Variants in PID1 observed in about 807,000 individuals in gnomAD.
PID1 encodes phosphotyrosine interaction domain containing 1, also known as PTB-containing, cubilin and LRP1-interacting protein.
In PID1, 10 loss-of-function variants were observed where a neutral mutation model predicts 19.1. The observed-to-expected ratio is 0.52, with a 90% confidence interval of 0.32 to 0.89. The LOEUF (loss-of-function observed/expected upper bound fraction) is 0.89. Among genes scored for constraint, PID1 ranks in the 40% least tolerant of loss-of-function variants. The pLI, the probability that PID1 is intolerant of heterozygous loss-of-function variation, is 0.03. For missense variants in PID1, 248 were observed against 285.3 expected (o/e 0.87, Z 0.94); for synonymous variants, 130 against 116.0 (o/e 1.12, Z -0.78).
In PID1 at chr2:229,038,018, G is replaced by C. The variant is rs116243211; in HGVS notation, c.178-11910C>G. On this transcript the variant is annotated intron_variant, in intron 2 of 2. Transcript: ENST00000392055. ...CTTCGTGCACAACTCATTAGGAATG[G>C]ATCACAGAAGGCACTAAACATTTAG... Among the ~76,000 whole-genome samples the C allele has an allele frequency of 5.4e-3, 817 of 152,190 alleles. 11 individuals are homozygous for C. The highest frequency in any genetic ancestry group is 4.4e-3 in the Non-Finnish European group (300 of 68,010).
At chr2:229,029,348 A>G (rs1383860676) in intron 2 of PID1, among the ~76,000 whole-genome samples, 2 of 151,124 alleles carry the variant, frequency 1.3e-5, no homozygotes, top group Non-Finnish European at 2.9e-5. Context: ...AAAACATGCT[A>G]CCATCCTTAG....
chr2:229,186,016 G>A (rs751912002), intron 1 of PID1, among the ~76,000 whole-genome samples: 7 of 152,162 alleles, frequency 4.6e-5, no homozygotes, highest in Non-Finnish European at 1.0e-4. Flanking sequence ...TAGGGTACAG[G>A]CATTTGATAC....
In PID1 at chr2:229,271,174, G is replaced by T; in HGVS notation, c.-131C>A. 2 of 1,020,538 alleles carry T rather than the reference G, an allele frequency of 2.0e-6. No individual in the cohort carries two copies. Among genetic ancestry groups the T allele is most frequent in the Non-Finnish European group, 2.8e-6 (2 of 705,192 alleles). 63.2% of individuals were successfully genotyped at this position (1,020,538 alleles called of 1,614,324 possible). A position where few individuals can be genotyped will look rare whatever the true frequency, so the allele number is the denominator to read the frequency against. On this transcript the variant is annotated 5_prime_UTR_variant, in exon 1 of 3. Transcript: ENST00000392055. Reference sequence around the variant, plus strand: ...GATGTGCGTCCTGGCGCTGGCCACCGCCGCCGGGTGGGCGTAGGGGGCTGC... The same window carrying T: ...GATGTGCGTCCTGGCGCTGGCCACCTCCGCCGGGTGGGCGTAGGGGGCTGC...
chr2:229,198,156 T>C (rs1357984935), intron 1 of PID1, among the ~76,000 whole-genome samples: 1 of 152,026 alleles, frequency 6.6e-6, no homozygotes, highest in Admixed American at 6.6e-5. Context: ...TATAGAAAAA[T>C]CTTCCCGAAA....
At chr2:229,071,501 A>G (rs1488778395) in intron 2 of PID1, among the ~76,000 whole-genome samples, 4 of 152,236 alleles carry the variant, frequency 2.6e-5, no homozygotes, top group Admixed American at 2.6e-4. Flanking sequence ...AGATACTGTT[A>G]TTATCCCAAT....
chr2:229,221,226 A>T (rs1418729084), intron 1 of PID1, among the ~76,000 whole-genome samples: 2 of 152,190 alleles, frequency 1.3e-5, no homozygotes, highest in Non-Finnish European at 2.9e-5. Flanking sequence ...CCTTAGTATC[A>T]GGCATAGTGG....
intron 1 of PID1, among the ~76,000 whole-genome samples, chr2:229,171,996 A>G (rs1690720722): frequency 6.6e-6 from 1 of 152,178 alleles, no homozygotes; most frequent in Non-Finnish European, 1.5e-5. Flanking sequence ...CTGAAATCAT[A>G]CAACTTTCCT....
chr2:229,251,603 CCCT>C (rs1259195843), intron 1 of PID1, among the ~76,000 whole-genome samples: 9 of 152,038 alleles, frequency 5.9e-5, no homozygotes, highest in Admixed American at 2.0e-4. Flanking sequence ...ATAAAAATTC[CCCT>C]GAGTGTGAGA....
chr2:229,042,686 A>G (rs1308697547), intron 2 of PID1, among the ~76,000 whole-genome samples: 1 of 152,206 alleles, frequency 6.6e-6, no homozygotes, highest in African/African-American at 2.4e-5. Flanking sequence ...AAAGCTTTCA[A>G]TGTCATATTC....
intron 1 of PID1, among the ~76,000 whole-genome samples, chr2:229,198,730 T>C (rs763367300): frequency 2.6e-5 from 4 of 152,062 alleles, no homozygotes; most frequent in Non-Finnish European, 4.4e-5. Context: ...TGATAAGTCC[T>C]ACTGGGTCTA....
intron 1 of PID1, among the ~76,000 whole-genome samples, chr2:229,253,997 A>G (rs1295409582): frequency 6.6e-6 from 1 of 152,212 alleles, no homozygotes; most frequent in Non-Finnish European, 1.5e-5. Context: ...GCAGGACGAC[A>G]GACCTTCTTC....
chr2:229,252,416 G>A (rs1398022026), intron 1 of PID1, among the ~76,000 whole-genome samples: 4 of 152,114 alleles, frequency 2.6e-5, no homozygotes, highest in Non-Finnish European at 4.4e-5. Context: ...TTCATCAACT[G>A]CTTGCCTACT....
chr2:229,157,562 C>T (rs1690400811), intron 1 of PID1, among the ~76,000 whole-genome samples: 1 of 152,138 alleles, frequency 6.6e-6, no homozygotes, highest in African/African-American at 2.4e-5. Flanking sequence ...CCTTACCACC[C>T]ACCTTCACAG....
chr2:229,033,904 C>A (rs1281130488), intron 2 of PID1, among the ~76,000 whole-genome samples: 1 of 152,192 alleles, frequency 6.6e-6, no homozygotes, highest in Non-Finnish European at 1.5e-5. Context: ...TGGATTCCCA[C>A]CTGCACATTC....
intron 2 of PID1, among the ~76,000 whole-genome samples, chr2:229,026,468 G>T: frequency 6.6e-6 from 1 of 152,170 alleles, no homozygotes; most frequent in Non-Finnish European, 1.5e-5. Flanking sequence ...TTTATTTTCG[G>T]CCAAACACAC....
chr2:229,204,627 C>G (rs7600768), intron 1 of PID1, among the ~76,000 whole-genome samples: 150,108 of 152,208 alleles, frequency 0.99, 74,055 homozygotes, highest in East Asian at 1. Flanking sequence ...GAAAACACGA[C>G]GGGTGAGGTC....
chr2:229,129,647 T>C (rs1189900909), intron 2 of PID1, among the ~76,000 whole-genome samples: 4 of 151,916 alleles, frequency 2.6e-5, no homozygotes, highest in Non-Finnish European at 5.9e-5. Context: ...CTCAGAAGAG[T>C]AGTTATGCAC....
intron 1 of PID1, among the ~76,000 whole-genome samples, chr2:229,261,962 T>TAC (rs1388534924): frequency 2.0e-5 from 3 of 151,884 alleles, no homozygotes; most frequent in Non-Finnish European, 4.4e-5. Flanking sequence ...AAATAATTTA[T>TAC]ACAGTTATCA....
intron 2 of PID1, among the ~76,000 whole-genome samples, chr2:229,153,498 C>T (rs184049091): frequency 6.6e-6 from 1 of 152,148 alleles, no homozygotes; most frequent in Non-Finnish European, 1.5e-5. Context: ...CAAATGAAAT[C>T]ATTGTCGATT....
Sources: gnomAD v4.1 joint callset for allele counts (sites outside exome capture counted in the v4.1 genomes callset) on GRCh38, gnomAD v4.1.1 for gene constraint, MANE v1.5 for transcripts, NCBI Gene and HGNC (gene_info 2026-07-23, HGNC 2026-07-21) for gene names.